Variants in ZNF600 observed in about 807,000 individuals in gnomAD.
ZNF600 encodes zinc finger protein KR-ZNF1.
In ZNF600, 4 loss-of-function variants were observed where a neutral mutation model predicts 7.3. The ratio of observed to expected loss-of-function variants is 0.55; its 90% CI spans 0.27 to 1.25. The LOEUF is 1.25. ZNF600 is among the 50% of genes most tolerant of loss of function. The probability of loss-of-function intolerance (pLI) is 0.12; values close to 1 mark genes in which losing one functional copy is unlikely to be tolerated. For missense variants in ZNF600, 911 were observed against 922.1 expected, an observed-to-expected ratio of 0.99 and a Z score of 0.16; for synonymous variants, 290 against 308.9, an observed-to-expected ratio of 0.94 and a Z score of 0.64.
the ZNF600 span, chr19:52,810,136 GT>G: frequency 6.8e-6 from 6 of 881,622 alleles, no homozygotes; most frequent in Non-Finnish European, 1.2e-5. Flanking sequence ...CTGGTCGAGG[GT>G]GACCCGGGGC....
chr19:52,824,848 C>T, the ZNF600 span, among the ~76,000 whole-genome samples: 1 of 152,052 alleles, frequency 6.6e-6, no homozygotes, highest in African/African-American at 2.4e-5. Context: ...AGAAATTATA[C>T]ACAAATTTAT....
chr19:52,825,075 G>A, the ZNF600 span, among the ~76,000 whole-genome samples: 5 of 151,996 alleles, frequency 3.3e-5, no homozygotes, highest in Non-Finnish European at 7.4e-5. Flanking sequence ...CAGAGAGGGC[G>A]CTTTTACACC....
exon 4 of ZNF600, chr19:52,766,416 C>T (rs1371538141): frequency 6.2e-6 from 10 of 1,614,094 alleles, no homozygotes; most frequent in Non-Finnish European, 8.5e-6. Flanking sequence ...AACCTTTTCA[C>T]ATTCTTCATA....
intron 1 of ZNF600, among the ~76,000 whole-genome samples, chr19:52,785,327 G>A (rs933117602): frequency 6.6e-6 from 1 of 150,892 alleles, no homozygotes; most frequent in South Asian, 2.1e-4. Flanking sequence ...GGCTCTCACC[G>A]CAACCTCTGC....
At chr19:52,800,447 T>G in the ZNF600 span, 1 of 1,613,002 alleles carries the variant, frequency 6.2e-7, no homozygotes, top group African/African-American at 1.3e-5. Flanking sequence ...CACATTTGTA[T>G]GGTTTCTCTG....
chr19:52,801,376 C>T, the ZNF600 span: 1 of 1,614,218 alleles, frequency 6.2e-7, no homozygotes, highest in Non-Finnish European at 8.5e-7. Flanking sequence ...ATTTTCCCTT[C>T]AGGCTGAAAT....
the ZNF600 span, among the ~76,000 whole-genome samples, chr19:52,817,223 T>C: frequency 6.6e-6 from 1 of 151,926 alleles, no homozygotes; most frequent in East Asian, 1.9e-4. Context: ...AAATACAAAA[T>C]TAGCTGAGCA....
the ZNF600 span, among the ~76,000 whole-genome samples, chr19:52,802,030 A>G: frequency 6.6e-6 from 1 of 152,208 alleles, no homozygotes. Context: ...ATCACATCAA[A>G]AAAAGAAAAA....
the ZNF600 span, chr19:52,810,317 T>G: frequency 1.9e-6 from 3 of 1,592,640 alleles, no homozygotes; most frequent in Non-Finnish European, 2.6e-6. Flanking sequence ...GTTCCATCAA[T>G]GCTGGCAATG....
At chr19:52,818,781 G>C in the ZNF600 span, among the ~76,000 whole-genome samples, 2 of 149,492 alleles carry the variant, frequency 1.3e-5, no homozygotes, top group African/African-American at 5.0e-5. Flanking sequence ...TACTTGGGAG[G>C]CTGAGGCACA....
chr19:52,810,733 G>T, the ZNF600 span: 1 of 588,516 alleles, frequency 1.7e-6, no homozygotes, highest in Non-Finnish European at 3.0e-6. Flanking sequence ...AGGAGAGAGA[G>T]GAAAAAAAGA....
At chr19:52,773,281 A>C (rs775483669) in intron 3 of ZNF600, among the ~76,000 whole-genome samples, 8 of 152,208 alleles carry the variant, frequency 5.3e-5, no homozygotes, top group African/African-American at 9.7e-5. Flanking sequence ...CAAATGGTAA[A>C]ATATTGACCC....
In ZNF600 at chr19:52,772,061, T is replaced by C. The variant is rs771762503; in HGVS notation, c.190+2514A>G. On this transcript the variant is annotated intron_variant, in intron 3 of 3. Transcript: ENST00000648973. ...ACTTATATGAAGCCATCTAATAGTA[T>C]TCACTTGTTTTAAAAAGCAGGTGGA... 3.3e-5 allele frequency among the ~76,000 whole-genome samples: 5 copies of C among 152,334 alleles called. No individual in the cohort carries two copies. In the South Asian group the frequency reaches 6.2e-4, roughly 19 times the overall value.
At chr19:52,789,293 T>C (rs2147599284), upstream of ZNF600, among the ~76,000 whole-genome samples, 1 of 151,910 alleles carries the variant, frequency 6.6e-6, no homozygotes, top group Non-Finnish European at 1.5e-5. Flanking sequence ...ACAGTAGAGG[T>C]AGGGAGGAGG....
At chr19:52,792,511 C>G in the ZNF600 span, among the ~76,000 whole-genome samples, 3 of 151,978 alleles carry the variant, frequency 2.0e-5, no homozygotes, top group African/African-American at 7.2e-5. Flanking sequence ...TGAGATCGTG[C>G]CACTGCACTC....
chr19:52,765,962 T>C lies in ZNF600; in HGVS notation c.2001A>G (p.Ala667=), dbSNP rs759901371. The C allele has an allele frequency of 2.5e-6, 4 of 1,614,218 alleles. No individual in the cohort carries two copies. The South Asian group carries it at 4.4e-5, about 18-fold the overall frequency. ...CTGCAGTGTGAATTCTGGTATGTCT[T>C]GCCAGGTATGAATTACGCACGAAAG... Residue 667 remains alanine (A), a synonymous_variant, in exon 4 of 4, where the codon GCA becomes GCG. Transcript: ENST00000648973.
the ZNF600 span, among the ~76,000 whole-genome samples, chr19:52,811,005 TCAGCCTGCCGAGTGCCTGCGATTG>T: frequency 1.5e-5 from 2 of 137,802 alleles, no homozygotes; most frequent in African/African-American, 5.2e-5. Flanking sequence ...TTCTCCTGCC[TCAGCCTGCCGAGTGCCTGCGATTG>T]CAGGCACGCG....
chr19:52,799,689 C>T, the ZNF600 span: 123,630 of 197,340 alleles, frequency 0.63, 59,773 homozygotes, highest in East Asian at 0.82. Flanking sequence ...ATTACACTTT[C>T]AAGGTTTCTC....
chr19:52,801,816 C>T, the ZNF600 span: 1 of 1,030,174 alleles, frequency 9.7e-7, no homozygotes, highest in South Asian at 1.9e-5. Flanking sequence ...CAAACATGAT[C>T]TTCAAAGTTT....
Sources: gnomAD v4.1 joint callset for allele counts (sites outside exome capture counted in the v4.1 genomes callset) on GRCh38, gnomAD v4.1.1 for gene constraint, MANE v1.5 for transcripts, NCBI Gene and HGNC (gene_info 2026-07-23, HGNC 2026-07-21) for gene names.